SYT1: variants seen among roughly 807,000 people sequenced by gnomAD.
The protein encoded by SYT1 is synaptotagmin 1.
A neutral mutation model predicts 44.8 loss-of-function variants in SYT1; 8 were observed. That is an observed-to-expected ratio of 0.18 (90% confidence interval 0.10 to 0.32). SYT1 has a LOEUF of 0.32. SYT1 is among the 10% of genes least tolerant of loss of function. The pLI is 1.00. For synonymous variants in SYT1, 154 were observed against 188.8 expected (o/e 0.82, Z 1.51); for missense variants, 286 against 509.3 (o/e 0.56, Z 4.22).
chr12:78,983,826 C>G (rs1218559014), intron 2 of SYT1, among the ~76,000 whole-genome samples: 2 of 151,998 alleles, frequency 1.3e-5, no homozygotes. Context: ...AGTAAAGAAT[C>G]AAGGCAGTGT....
chr12:79,010,809 C>G (rs899114524), intron 2 of SYT1, among the ~76,000 whole-genome samples: 35 of 152,106 alleles, frequency 2.3e-4, no homozygotes, highest in African/African-American at 7.7e-4. Flanking sequence ...TTTCATTATT[C>G]ATTTTATGAA....
chr12:79,059,095 C>G (rs929969959), intron 3 of SYT1, among the ~76,000 whole-genome samples: 1 of 152,028 alleles, frequency 6.6e-6, no homozygotes. Flanking sequence ...AAAGGCACAT[C>G]TTACATGGCA....
At chr12:79,445,224 A>AATG (rs1288756447) in intron 10 of SYT1, among the ~76,000 whole-genome samples, 1 of 152,098 alleles carries the variant, frequency 6.6e-6, no homozygotes, top group African/African-American at 2.4e-5. Flanking sequence ...GGCACATAGT[A>AATG]ATGTTTTCAT....
chr12:79,314,076 G>C (rs1880953842), intron 8 of SYT1, among the ~76,000 whole-genome samples: 1 of 148,506 alleles, frequency 6.7e-6, no homozygotes, highest in Non-Finnish European at 1.5e-5. Flanking sequence ...GGCTGAGGCA[G>C]GAGAATGGCG....
chr12:79,432,225 T>C (rs1869833876), intron 9 of SYT1, among the ~76,000 whole-genome samples: 1 of 152,002 alleles, frequency 6.6e-6, no homozygotes, highest in Admixed American at 6.6e-5. Context: ...TTTTTTTAAT[T>C]ATTATACTTT....
At chr12:79,114,630 C>T (rs927753797) in intron 3 of SYT1, among the ~76,000 whole-genome samples, 1 of 152,148 alleles carries the variant, frequency 6.6e-6, no homozygotes, top group Admixed American at 6.6e-5. Context: ...GCAATCATAT[C>T]TTCAGGCCAG....
At chr12:79,135,202 A>C in intron 3 of SYT1, among the ~76,000 whole-genome samples, 1 of 151,850 alleles carries the variant, frequency 6.6e-6, no homozygotes. Flanking sequence ...TGCTGCACCC[A>C]TTAACTCGTC....
intron 2 of SYT1, among the ~76,000 whole-genome samples, chr12:79,026,678 T>TATATATATATAC: frequency 7.4e-6 from 1 of 134,598 alleles, no homozygotes; most frequent in African/African-American, 2.8e-5. Context: ...TATATATATA[T>TATATATATATAC]ATATATATAT....
intron 3 of SYT1, among the ~76,000 whole-genome samples, chr12:79,074,037 T>G (rs1196122849): frequency 6.6e-6 from 1 of 152,206 alleles, no homozygotes; most frequent in Non-Finnish European, 1.5e-5. Flanking sequence ...AATAATGTGC[T>G]CACATTCCAT....
intron 7 of SYT1, among the ~76,000 whole-genome samples, chr12:79,297,526 C>T (rs959468795): frequency 3.3e-5 from 5 of 151,876 alleles, no homozygotes; most frequent in African/African-American, 2.4e-5. Context: ...TATTGCATTA[C>T]CTACATTATT....
intron 3 of SYT1, among the ~76,000 whole-genome samples, chr12:79,067,507 C>A (rs1875955308): frequency 1.3e-5 from 2 of 152,074 alleles, no homozygotes; most frequent in African/African-American, 4.8e-5. Flanking sequence ...ATTTAAGATG[C>A]TTTACTTGGA....
At chr12:79,375,583 A>G (rs925626953) in intron 9 of SYT1, among the ~76,000 whole-genome samples, 35 of 152,354 alleles carry the variant, frequency 2.3e-4, no homozygotes, top group African/African-American at 7.7e-4. Flanking sequence ...CTCACCAAGC[A>G]TCTGAATTCA....
intron 1 of SYT1, among the ~76,000 whole-genome samples, chr12:78,974,183 A>G (rs1472217500): frequency 6.6e-6 from 1 of 150,608 alleles, no homozygotes. Context: ...AACACTGTAG[A>G]CAATTGTAAC....
intron 1 of SYT1, among the ~76,000 whole-genome samples, chr12:78,931,811 A>G (rs948059710): frequency 1.3e-5 from 2 of 152,308 alleles, no homozygotes; most frequent in South Asian, 2.1e-4. Context: ...TGTGCCTGTC[A>G]TGCAGATGGC....
intron 2 of SYT1, among the ~76,000 whole-genome samples, chr12:78,998,874 C>G (rs985058650): frequency 6.6e-6 from 1 of 152,156 alleles, no homozygotes; most frequent in South Asian, 2.1e-4. Context: ...AGTTGCTGTA[C>G]AGCTATATGC....
At chr12:78,915,054 A>G (rs999473709) in intron 1 of SYT1, among the ~76,000 whole-genome samples, 2 of 151,406 alleles carry the variant, frequency 1.3e-5, no homozygotes, top group Non-Finnish European at 2.9e-5. Flanking sequence ...GATAGACTGG[A>G]ACTCAACTAT....
chr12:79,350,933 G>A (rs2136001123), intron 8 of SYT1, among the ~76,000 whole-genome samples: 1 of 152,210 alleles, frequency 6.6e-6, no homozygotes, highest in South Asian at 2.1e-4. Flanking sequence ...AGATCCAGAA[G>A]TAATAAAATG....
intron 1 of SYT1, among the ~76,000 whole-genome samples, chr12:78,954,938 T>C (rs1226307062): frequency 1.3e-5 from 2 of 152,162 alleles, no homozygotes; most frequent in Admixed American, 6.6e-5. Flanking sequence ...ATGGAATTTT[T>C]ATTTTAATGA....
At chr12:78,923,691 T>TTCTC (rs545925878) in intron 1 of SYT1, among the ~76,000 whole-genome samples, 9 of 146,620 alleles carry the variant, frequency 6.1e-5, no homozygotes, top group Non-Finnish European at 6.0e-5. Flanking sequence ...CCCCCTTTCT[T>TTCTC]TCTCTCTCTC....
Sources: allele counts gnomAD v4.1 joint callset (sites outside exome capture counted in the v4.1 genomes callset), GRCh38; gene constraint gnomAD v4.1.1; transcripts MANE v1.5; gene names NCBI Gene and HGNC (gene_info 2026-07-23, HGNC 2026-07-21).